The following USP33 variants were observed in gnomAD, a reference collection of about 807,000 sequenced individuals.
The protein encoded by USP33 is ubiquitin specific peptidase 33.
Under a neutral mutation model 124.2 loss-of-function variants are expected in USP33, and 46 were observed. The observed-to-expected ratio is 0.37, with a 90% CI of 0.29 to 0.47. The LOEUF is 0.47. USP33 is among the 20% of genes least tolerant of loss of function. The pLI is 0.99. For synonymous variants in USP33, 350 were observed against 352.3 expected (o/e 0.99, Z 0.07); for missense variants, 851 against 1,070.6 (o/e 0.79, Z 2.86).
At chr1:77,734,676 C>T (rs1193147281) in intron 6 of USP33, among the ~76,000 whole-genome samples, 3 of 152,116 alleles carry the variant, frequency 2.0e-5, no homozygotes, top group Admixed American at 6.5e-5. Context: ...TTTAAGACTA[C>T]GTGTTTTTAA....
chr1:77,748,723 A>G (rs1679984016), intron 1 of USP33, among the ~76,000 whole-genome samples: 1 of 150,632 alleles, frequency 6.6e-6, no homozygotes, highest in Non-Finnish European at 1.5e-5. Context: ...TGTATTTAGA[A>G]ATTTTGCATT....
chr1:77,725,366 G>T (rs1385363364), intron 11 of USP33, among the ~76,000 whole-genome samples: 1 of 152,154 alleles, frequency 6.6e-6, no homozygotes, highest in Non-Finnish European at 1.5e-5. Flanking sequence ...TGTGGTGGTG[G>T]TAACAAGAAT....
chr1:77,750,055 T>C (rs1169981314), intron 1 of USP33, among the ~76,000 whole-genome samples: 1 of 151,956 alleles, frequency 6.6e-6, no homozygotes, highest in Non-Finnish European at 1.5e-5. Context: ...CCAGGTGCGA[T>C]GACTGTAATT....
chr1:77,736,901 C>A (rs1678527520), intron 5 of USP33, among the ~76,000 whole-genome samples: 1 of 152,264 alleles, frequency 6.6e-6, no homozygotes, highest in South Asian at 2.1e-4. Context: ...AGACACCACA[C>A]CCGGCCTGCA....
chr1:77,746,214 CACAGAA>C (rs1425088394), intron 1 of USP33, among the ~76,000 whole-genome samples: 2 of 152,108 alleles, frequency 1.3e-5, no homozygotes, highest in Admixed American at 1.3e-4. Context: ...CCACCAATCC[CACAGAA>C]ATACAGACTA....
chr1:77,728,810 AG>A (rs1677456869), intron 9 of USP33, 98 bp from the exon 10 acceptor site: 3 of 1,303,996 alleles, frequency 2.3e-6, no homozygotes, highest in Non-Finnish European at 3.1e-6. Context: ...TTATATATGA[AG>A]GTACAGCACT....
In USP33 at chr1:77,697,278, G is replaced by C. The variant is rs772166257; in HGVS notation, c.*39C>G. 1 of 1,540,728 alleles carries C rather than the reference G, an allele frequency of 6.5e-7. No homozygotes were observed. The highest frequency in any genetic ancestry group is 8.7e-7 in the Non-Finnish European group (1 of 1,144,046). On this transcript the variant is annotated 3_prime_UTR_variant, in exon 24 of 24. Coordinates refer to ENST00000370794, the MANE Select transcript of USP33 (RefSeq NM_201624.3). ...CGCATGTGTACATGTCAGGGCACAT[G>C]AAAATGATTCCTCATTAGAACTCTC...
intron 22 of USP33, among the ~76,000 whole-genome samples, chr1:77,700,802 G>A (rs757996872): frequency 6.6e-6 from 1 of 150,616 alleles, no homozygotes; most frequent in Admixed American, 6.7e-5. Flanking sequence ...GTGGATTCAA[G>A]CAATTCTCCT....
At chr1:77,742,516 T>G (rs1471770128) in intron 1 of USP33, among the ~76,000 whole-genome samples, 1 of 152,190 alleles carries the variant, frequency 6.6e-6, no homozygotes. Flanking sequence ...TTACAACCCC[T>G]GAAATAGGCA....
intron 21 of USP33, among the ~76,000 whole-genome samples, chr1:77,711,117 G>A (rs945297536): frequency 1.3e-5 from 2 of 151,844 alleles, no homozygotes; most frequent in African/African-American, 4.8e-5. Context: ...CATGCAGTCT[G>A]GATAGACTAC....
intron 12 of USP33, chr1:77,722,548 A>C (rs1429200947): frequency 6.3e-6 from 1 of 158,900 alleles, no homozygotes; most frequent in Non-Finnish European, 1.4e-5. Flanking sequence ...TTGAAAATTG[A>C]CCTTTGATGG....
At chr1:77,713,460 A>T in intron 19 of USP33, 179 bp from the exon 20 acceptor site, 2 of 517,478 alleles carry the variant, frequency 3.9e-6, no homozygotes, top group Non-Finnish European at 6.5e-6. Flanking sequence ...CATGGCTCAC[A>T]GCAGCCTCAA....
At chr1:77,729,544 A>T (rs1677559128) in intron 9 of USP33, among the ~76,000 whole-genome samples, 1 of 152,076 alleles carries the variant, frequency 6.6e-6, no homozygotes, top group African/African-American at 2.4e-5. Flanking sequence ...GGTGGCACAC[A>T]TCTGCAATCC....
At position 77,721,163 on chromosome 1, in the gene USP33, G is replaced by A; in HGVS notation, c.1691+9C>T. 9 of 1,613,722 alleles carry A rather than the reference G, an allele frequency of 5.6e-6. No individual in the cohort carries two copies. Among genetic ancestry groups the A allele is most frequent in the Non-Finnish European group, 6.8e-6 (8 of 1,179,818 alleles). ...ACATGCAATTAAAAGCACTGTCAATGTCACTTACTTTTTGCATTTTTCACA... is the reference window on the plus strand; with the variant it reads ...ACATGCAATTAAAAGCACTGTCAATATCACTTACTTTTTGCATTTTTCACA... On this transcript the variant is annotated intron_variant, in intron 15 of 23. Transcript: ENST00000370794.
chr1:77,710,267 G>T (rs1032158328), intron 21 of USP33, among the ~76,000 whole-genome samples: 2 of 152,148 alleles, frequency 1.3e-5, no homozygotes, highest in African/African-American at 4.8e-5. Context: ...CTTGGCCACT[G>T]CTTCTCTCCC....
At chr1:77,720,692 T>C in intron 15 of USP33, 1 of 826,832 alleles carries the variant, frequency 1.2e-6, no homozygotes, top group Non-Finnish European at 1.5e-6. Context: ...TAAGAAGCAT[T>C]AAAAGTCTAA....
At chr1:77,729,682 A>G (rs1677579798) in intron 9 of USP33, among the ~76,000 whole-genome samples, 178 bp downstream of exon 9, 1 of 152,144 alleles carries the variant, frequency 6.6e-6, no homozygotes, top group South Asian at 2.1e-4. Context: ...AAAAAAAGAT[A>G]AAGATAAAGG....
At chr1:77,697,682 A>G in intron 23 of USP33, 181 bp downstream of exon 23, 1 of 883,754 alleles carries the variant, frequency 1.1e-6, no homozygotes, top group Non-Finnish European at 1.7e-6. Context: ...GCTCTTAACA[A>G]CAGCCTTAAG....
chr1:77,747,605 ACTGTT>A (rs1679874553), intron 1 of USP33, among the ~76,000 whole-genome samples: 1 of 152,128 alleles, frequency 6.6e-6, no homozygotes, highest in Admixed American at 6.5e-5. Context: ...TAATGCCAAT[ACTGTT>A]ATTAACTTTC....
Sources: gnomAD v4.1 joint callset for allele counts (sites outside exome capture counted in the v4.1 genomes callset) on GRCh38, gnomAD v4.1.1 for gene constraint, MANE v1.5 for transcripts, NCBI Gene and HGNC (gene_info 2026-07-23, HGNC 2026-07-21) for gene names.